SERPINI2: variants seen among roughly 807,000 people sequenced by gnomAD.
SERPINI2 encodes the protein serpin I2.
In SERPINI2, 48 loss-of-function variants were observed where a neutral mutation model predicts 47.3. The ratio of observed to expected loss-of-function variants is 1.02; its 90% CI spans 0.81 to 1.29. SERPINI2 has a LOEUF of 1.29. SERPINI2 is among the 50% of genes most tolerant of loss of function. The pLI, the probability that SERPINI2 is intolerant of heterozygous loss-of-function variation, is 0.00. For synonymous variants in SERPINI2, 135 were observed against 149.3 expected, an observed-to-expected ratio of 0.90 and a Z score of 0.70; for missense variants, 448 against 456.9, an observed-to-expected ratio of 0.98 and a Z score of 0.18.
rs543223318 is a variant in SERPINI2 at position 167,452,128 on chromosome 3, TATAGAA to T, written c.964+802_964+807del. Among the ~76,000 whole-genome samples the T allele has an allele frequency of 5.3e-3, 814 of 152,310 alleles. 4 individuals are homozygous for T. The highest frequency in any genetic ancestry group is 8.7e-3 in the Non-Finnish European group (589 of 68,024). Reference sequence around the variant, plus strand: ...CACGTTTCCAAAGCCCAGATACCTATATAGAAATAAATACATAAAACATTTCTGCAC... The same window carrying T: ...CACGTTTCCAAAGCCCAGATACCTATATAAATACATAAAACATTTCTGCAC... On this transcript the variant is annotated intron_variant, in intron 6 of 8. Coordinates refer to ENST00000264677, the Ensembl canonical transcript of SERPINI2.
At chr3:167,444,050 G>A (rs952783234) in intron 8 of SERPINI2, among the ~76,000 whole-genome samples, 9 of 152,014 alleles carry the variant, frequency 5.9e-5, no homozygotes, top group African/African-American at 1.4e-4. Flanking sequence ...AGCTAATGGC[G>A]AGAAAAAAAA....
chr3:167,447,448 T>C (rs1318506195), intron 7 of SERPINI2, among the ~76,000 whole-genome samples: 3 of 152,230 alleles, frequency 2.0e-5, no homozygotes, highest in African/African-American at 7.2e-5. Flanking sequence ...AGTGGATTTC[T>C]GAAAGTCAAA....
At chr3:167,461,324 G>T (rs1245043812) in intron 5 of SERPINI2, among the ~76,000 whole-genome samples, 1 of 152,188 alleles carries the variant, frequency 6.6e-6, no homozygotes, top group Admixed American at 6.5e-5. Context: ...TATGTAATGA[G>T]ATACTGTAAC....
chr3:167,472,844 C>T (rs906351159), intron 1 of SERPINI2, among the ~76,000 whole-genome samples: 13 of 151,696 alleles, frequency 8.6e-5, no homozygotes, highest in African/African-American at 3.1e-4. Flanking sequence ...GACTCCAAGG[C>T]CTCATAAATT....
At chr3:167,453,021 T>G in exon 6 of SERPINI2, 1 of 1,579,538 alleles carries the variant, frequency 6.3e-7, no homozygotes, top group Non-Finnish European at 8.6e-7. Context: ...CTACTTTTTG[T>G]TCTACTTTAA....
intron 5 of SERPINI2, among the ~76,000 whole-genome samples, chr3:167,462,202 C>G (rs1750001873): frequency 6.6e-6 from 1 of 152,170 alleles, no homozygotes; most frequent in African/African-American, 2.4e-5. Flanking sequence ...TTGTAAGTCC[C>G]TTTCACTATC....
intron 8 of SERPINI2, among the ~76,000 whole-genome samples, chr3:167,444,195 A>C (rs1261826681): frequency 2.0e-5 from 3 of 152,166 alleles, no homozygotes; most frequent in Non-Finnish European, 4.4e-5. Flanking sequence ...CAGGAATGGT[A>C]CCTTTCATGA....
chr3:167,473,788 C>A, intron 1 of SERPINI2: 1 of 1,458,248 alleles, frequency 6.9e-7, no homozygotes, highest in Non-Finnish European at 9.0e-7. Context: ...TAATGCTGAA[C>A]TAAACAACCT....
At chr3:167,459,662 A>G (rs1749927429) in intron 5 of SERPINI2, among the ~76,000 whole-genome samples, 1 of 146,110 alleles carries the variant, frequency 6.8e-6, no homozygotes, top group African/African-American at 2.6e-5. Flanking sequence ...TAGCTTAAAT[A>G]TAAACATTCT....
chr3:167,462,028 G>T (rs1308707981), intron 5 of SERPINI2, among the ~76,000 whole-genome samples: 3 of 152,182 alleles, frequency 2.0e-5, no homozygotes, highest in Non-Finnish European at 4.4e-5. Flanking sequence ...TGCTGAATAG[G>T]AGGGAGGTGT....
chr3:167,442,827 A>G (rs1749365090), intron 8 of SERPINI2, among the ~76,000 whole-genome samples: 1 of 152,234 alleles, frequency 6.6e-6, no homozygotes, highest in Non-Finnish European at 1.5e-5. Context: ...AAATCTATTC[A>G]CCTTTCTTTT....
At chr3:167,464,264 T>C (rs1750068319) in intron 5 of SERPINI2, among the ~76,000 whole-genome samples, 1 of 152,132 alleles carries the variant, frequency 6.6e-6, no homozygotes, top group Admixed American at 6.6e-5. Context: ...TCTGCCCGCC[T>C]CAGCCTCCCA....
exon 2 of SERPINI2, chr3:167,471,650 C>T: frequency 6.2e-7 from 1 of 1,613,522 alleles, no homozygotes; most frequent in Non-Finnish European, 8.5e-7. Context: ...TCCTTTGGCT[C>T]CCAGTTGTAC....
intron 5 of SERPINI2, among the ~76,000 whole-genome samples, chr3:167,454,613 G>A (rs1425138521): frequency 6.6e-6 from 1 of 152,098 alleles, no homozygotes; most frequent in African/African-American, 2.4e-5. Context: ...TTAGGATAAT[G>A]ACAAAAATAC....
At chr3:167,472,667 A>T (rs1161230723) in intron 1 of SERPINI2, among the ~76,000 whole-genome samples, 1 of 151,924 alleles carries the variant, frequency 6.6e-6, no homozygotes, top group East Asian at 1.9e-4. Flanking sequence ...ATTGACAGAA[A>T]TACTAACAAA....
chr3:167,462,716 G>A (rs1750019367), intron 5 of SERPINI2, among the ~76,000 whole-genome samples: 1 of 152,198 alleles, frequency 6.6e-6, no homozygotes, highest in Admixed American at 6.5e-5. Flanking sequence ...TGTGGGGGTA[G>A]TATGGGAAGT....
chr3:167,468,316 T>A (rs1485528199), intron 2 of SERPINI2, among the ~76,000 whole-genome samples: 1 of 152,154 alleles, frequency 6.6e-6, no homozygotes, highest in Non-Finnish European at 1.5e-5. Context: ...AGGATGTGTG[T>A]GTGTGTGTAC....
At chr3:167,463,920 C>A (rs945643024) in intron 5 of SERPINI2, among the ~76,000 whole-genome samples, 3 of 149,874 alleles carry the variant, frequency 2.0e-5, no homozygotes, top group Admixed American at 6.7e-5. Flanking sequence ...GCTCTAGTCT[C>A]GGTAAAGCCA....
At chr3:167,465,315 G>A in exon 5 of SERPINI2, 1 of 1,612,908 alleles carries the variant, frequency 6.2e-7, no homozygotes. Context: ...CCTTCTGCAG[G>A]AAGTATGATA....
Sources: gnomAD v4.1 joint callset for allele counts (sites outside exome capture counted in the v4.1 genomes callset) on GRCh38, gnomAD v4.1.1 for gene constraint, MANE v1.5 for transcripts, NCBI Gene and HGNC (gene_info 2026-07-23, HGNC 2026-07-21) for gene names.